Variants in PTPN21 observed in about 807,000 individuals in gnomAD.
The protein encoded by PTPN21 is tyrosine-protein phosphatase non-receptor type 21.
A neutral mutation model predicts 131.8 loss-of-function variants in PTPN21; 77 were observed. The observed-to-expected ratio is 0.58, with a 90% CI of 0.49 to 0.71. PTPN21 has a LOEUF of 0.71. PTPN21 is among the 30% of genes least tolerant of loss of function. The probability of loss-of-function intolerance (pLI) is 0.00; values close to 1 mark genes in which losing one functional copy is unlikely to be tolerated. For synonymous variants in PTPN21, 715 were observed against 621.3 expected, an observed-to-expected ratio of 1.15 and a Z score of -2.24; for missense variants, 1,552 against 1,527.1, an observed-to-expected ratio of 1.02 and a Z score of -0.27.
intron 2 of PTPN21, among the ~76,000 whole-genome samples, chr14:88,531,533 G>T (rs549989528): frequency 2.6e-5 from 4 of 152,208 alleles, no homozygotes. Context: ...CTCCAGCCTG[G>T]ACAACAGAGT....
At chr14:88,500,141 G>C (rs900866901) in intron 8 of PTPN21, among the ~76,000 whole-genome samples, 2 of 133,042 alleles carry the variant, frequency 1.5e-5, no homozygotes, top group Non-Finnish European at 3.2e-5. Context: ...TTTTTCATAG[G>C]AAAGAGCCCT....
chr14:88,527,209 T>C (rs2078492329), intron 2 of PTPN21, among the ~76,000 whole-genome samples: 1 of 152,204 alleles, frequency 6.6e-6, no homozygotes, highest in African/African-American at 2.4e-5. Flanking sequence ...AGTTCTACTT[T>C]TAGTTCTTTA....
chr14:88,532,509 A>C (rs2078568928), intron 2 of PTPN21, among the ~76,000 whole-genome samples: 2 of 152,210 alleles, frequency 1.3e-5, no homozygotes, highest in African/African-American at 4.8e-5. Context: ...TGAAGAACAG[A>C]GAATAGGGAA....
chr14:88,502,384 G>C (rs2078023217), intron 6 of PTPN21, among the ~76,000 whole-genome samples: 1 of 151,924 alleles, frequency 6.6e-6, no homozygotes, highest in South Asian at 2.1e-4. Flanking sequence ...ATTTCCTCTG[G>C]ATCACCTTCT....
intron 1 of PTPN21, among the ~76,000 whole-genome samples, chr14:88,550,912 T>C (rs1404867953): frequency 1.3e-5 from 2 of 152,198 alleles, no homozygotes; most frequent in African/African-American, 4.8e-5. Flanking sequence ...TAGTTAGTAA[T>C]TGTGATCCTC....
At chr14:88,475,952 G>A (rs2077542078) in intron 13 of PTPN21, among the ~76,000 whole-genome samples, 1 of 152,118 alleles carries the variant, frequency 6.6e-6, no homozygotes, top group Admixed American at 6.5e-5. Flanking sequence ...TAGAATATAA[G>A]CACAGGATTT....
At chr14:88,475,006 G>C (rs1351736340) in intron 13 of PTPN21, among the ~76,000 whole-genome samples, 2 of 152,042 alleles carry the variant, frequency 1.3e-5, no homozygotes, top group Non-Finnish European at 2.9e-5. Flanking sequence ...GCAGGAGAAA[G>C]GCTTGAACCT....
chr14:88,485,270 ATATAT>A (rs2140107799), intron 11 of PTPN21, 110 bp from the exon 12 acceptor site: 2 of 565,570 alleles, frequency 3.5e-6, no homozygotes, highest in African/African-American at 1.9e-5. Context: ...AAGGAATTAA[ATATAT>A]TATATATGGA....
intron 2 of PTPN21, among the ~76,000 whole-genome samples, chr14:88,518,226 CAAAAAAAAAAAAA>C (rs1172099704): frequency 2.7e-4 from 3 of 11,068 alleles, no homozygotes; most frequent in South Asian, 9.3e-3. Flanking sequence ...GAATCTACCT[CAAAAAAAAAAAAA>C]AAAAAAAAAA....
At chr14:88,478,856 G>A in intron 13 of PTPN21, 64 bp downstream of exon 13, 1 of 1,155,172 alleles carries the variant, frequency 8.7e-7, no homozygotes, top group Non-Finnish European at 1.2e-6. Context: ...GACGTGATGA[G>A]TGAAAGAAGC....
chr14:88,508,698 G>A (rs1477101397), intron 3 of PTPN21, among the ~76,000 whole-genome samples: 4 of 152,302 alleles, frequency 2.6e-5, no homozygotes, highest in Admixed American at 2.6e-4. Context: ...TAATATAAGA[G>A]TTTGCTTACC....
chr14:88,543,556 A>C (rs2078734853), intron 2 of PTPN21, among the ~76,000 whole-genome samples: 1 of 152,244 alleles, frequency 6.6e-6, no homozygotes, highest in Admixed American at 6.5e-5. Flanking sequence ...TTTTAAACTA[A>C]GTAAACATTT....
chr14:88,480,085 G>C lies in PTPN21; in HGVS notation c.1346C>G (p.Pro449Arg). Residue 449 changes from proline (P) to arginine (R), a missense_variant, in exon 13 of 19, where the codon CCA becomes CGA. Pro to Arg is a moderately radical substitution (Grantham distance 103, BLOSUM62 -2). Coordinates refer to ENST00000556564, the MANE Select transcript of PTPN21 (RefSeq NM_007039.4). ...CTGCTTCATCACAGTCTCATAGTCT[G>C]GGGTGGGGCGGTAGGACGGGGGTAT... Reference protein sequence around the residue: ...AVIPPSYRPTPDYETVMKQLN... With the variant: ...AVIPPSYRPTRDYETVMKQLN... 6.2e-7 allele frequency: 1 copy of C among 1,614,204 alleles called. No homozygotes were observed. The highest frequency in any genetic ancestry group is 8.5e-7 in the Non-Finnish European group (1 of 1,180,052).
chr14:88,491,223 C>CT (rs2077819040), intron 10 of PTPN21, among the ~76,000 whole-genome samples: 1 of 152,180 alleles, frequency 6.6e-6, no homozygotes, highest in Non-Finnish European at 1.5e-5. Context: ...AGGGAGAAGG[C>CT]TGTTGGATTA....
At chr14:88,523,320 T>A (rs1298149615) in intron 2 of PTPN21, among the ~76,000 whole-genome samples, 3 of 151,786 alleles carry the variant, frequency 2.0e-5, no homozygotes, top group Admixed American at 2.0e-4. Flanking sequence ...ACCATATTAC[T>A]AAGACAAAAG....
At chr14:88,537,219 C>T (rs534890577) in intron 2 of PTPN21, among the ~76,000 whole-genome samples, 5 of 152,206 alleles carry the variant, frequency 3.3e-5, no homozygotes, top group East Asian at 1.9e-4. Context: ...CTGAACTTCT[C>T]GTGTGGCTAG....
At chr14:88,518,226 C>CAAAAAAAA in intron 2 of PTPN21, among the ~76,000 whole-genome samples, 1 of 11,070 alleles carries the variant, frequency 9.0e-5, no homozygotes, top group Non-Finnish European at 1.5e-4. Flanking sequence ...GAATCTACCT[C>CAAAAAAAA]AAAAAAAAAA....
At chr14:88,487,562 T>C (rs770813835) in intron 10 of PTPN21, among the ~76,000 whole-genome samples, 21 of 151,466 alleles carry the variant, frequency 1.4e-4, no homozygotes, top group Non-Finnish European at 2.6e-4. Flanking sequence ...TAGTACATAC[T>C]AGTTTTAACA....
At chr14:88,553,914 C>T (rs1161657596) in intron 1 of PTPN21, among the ~76,000 whole-genome samples, 1 of 152,002 alleles carries the variant, frequency 6.6e-6, no homozygotes. Flanking sequence ...ATAGCTATAG[C>T]ATTAAACCCA....
Sources: gnomAD v4.1 joint callset for allele counts (sites outside exome capture counted in the v4.1 genomes callset) on GRCh38, gnomAD v4.1.1 for gene constraint, MANE v1.5 for transcripts, NCBI Gene and HGNC (gene_info 2026-07-23, HGNC 2026-07-21) for gene names.